TSPAN33: variants seen among roughly 807,000 people sequenced by gnomAD.
The protein encoded by TSPAN33 is tetraspanin-33.
A neutral mutation model predicts 34.8 loss-of-function variants in TSPAN33; 27 were observed. The ratio of observed to expected loss-of-function variants is 0.78; its 90% CI spans 0.57 to 1.07. TSPAN33 has a LOEUF of 1.07. TSPAN33 is among the 50% of genes least tolerant of loss of function. TSPAN33 has a pLI of 0.00. For synonymous variants in TSPAN33, 119 were observed against 124.2 expected (o/e 0.96, Z 0.28); for missense variants, 272 against 324.9 (o/e 0.84, Z 1.25).
chr7:129,163,058 T>A, intron 4 of TSPAN33, 151 bp downstream of exon 4: 1 of 655,868 alleles, frequency 1.5e-6, no homozygotes, highest in Non-Finnish European at 2.6e-6. Flanking sequence ...ATGAATAGCC[T>A]GTAAACTCAT....
In TSPAN33 at chr7:129,162,520, C is replaced by A; in HGVS notation, c.287C>A (p.Thr96Lys). 6.2e-7 allele frequency: 1 copy of A among 1,612,434 alleles called. No individual in the cohort carries two copies. Among genetic ancestry groups the A allele is most frequent in the Non-Finnish European group, 8.5e-7 (1 of 1,180,010 alleles). ...CGCGAGAACATCTGCCTCCTGCAGA[C>A]GGTGAGTGGTCAAGGCCCCACTGGA... ...SLRENICLLQ[T>K]FSLCLTAVFL... Residue 96 changes from threonine (T) to lysine (K), a missense_variant and splice_region_variant, in exon 3 of 8, where the codon ACG (threonine) becomes AAG (lysine). Transcript: ENST00000486685.
Position 129,167,316 on chromosome 7 carries a change from G to A in TSPAN33, c.589-83G>A, listed in dbSNP as rs1210087850. Reference sequence around the variant, plus strand: ...CTCTGACAATTTAGGAGTTTGGGAAGGGTGGGAAGCCCATCAGCTAAGGCC... The same window carrying A: ...CTCTGACAATTTAGGAGTTTGGGAAAGGTGGGAAGCCCATCAGCTAAGGCC... On this transcript the variant is annotated intron_variant, in intron 6 of 7. Coordinates refer to ENST00000486685, the MANE Select transcript of TSPAN33 (RefSeq NM_178562.5). This position sits in a 1 kb window ranked among gnomAD's most constrained non-coding sequence, Gnocchi z 4.6. 2 of 1,467,188 alleles carry A rather than the reference G, an allele frequency of 1.4e-6. No individual in the cohort carries two copies. The highest frequency in any genetic ancestry group is 1.9e-6 in the Non-Finnish European group (2 of 1,079,162). 90.9% of individuals were successfully genotyped at this position (1,467,188 alleles called of 1,614,324 possible).
At chr7:129,162,575 C>T (rs1793070126) in intron 3 of TSPAN33, 54 bp downstream of exon 3, 1 of 1,602,590 alleles carries the variant, frequency 6.2e-7, no homozygotes, top group South Asian at 1.1e-5. Flanking sequence ...CATCATGCCT[C>T]TTAGCCTCCC....
At chr7:129,149,173 A>G (rs1317911270) in intron 1 of TSPAN33, among the ~76,000 whole-genome samples, 1 of 152,224 alleles carries the variant, frequency 6.6e-6, no homozygotes, top group Admixed American at 6.5e-5. Context: ...CTCCTTTGCT[A>G]TGCAGGTCGC....
At chr7:129,157,876 A>G (rs1049931175) in intron 1 of TSPAN33, among the ~76,000 whole-genome samples, 35 of 152,366 alleles carry the variant, frequency 2.3e-4, no homozygotes, top group African/African-American at 7.9e-4. Context: ...GCTGTAACAA[A>G]TGACCGCAAA....
chr7:129,151,735 C>T (rs1810597495), intron 1 of TSPAN33, among the ~76,000 whole-genome samples: 1 of 152,088 alleles, frequency 6.6e-6, no homozygotes, highest in South Asian at 2.1e-4. Flanking sequence ...GCTTATCTGC[C>T]TGCAAGTGCT....
At chr7:129,151,211 C>T (rs980844229) in intron 1 of TSPAN33, among the ~76,000 whole-genome samples, 3 of 152,254 alleles carry the variant, frequency 2.0e-5, no homozygotes, top group African/African-American at 7.2e-5. Context: ...ACTGCAGCCT[C>T]GACTGCTTGG....
intron 1 of TSPAN33, among the ~76,000 whole-genome samples, chr7:129,149,165 C>T (rs907389042): frequency 6.6e-6 from 1 of 152,206 alleles, no homozygotes; most frequent in Non-Finnish European, 1.5e-5. Flanking sequence ...AGAACCATCT[C>T]CTTTGCTATG....
rs1251539892 is a variant in TSPAN33 at position 129,165,779 on chromosome 7, G to A, written c.460-999G>A. ...ACAAAAATTAGCCGGGTTTGGTGGC[G>A]CACACCTGTAGTCCCAGCTACTCAG... On this transcript the variant is annotated intron_variant, in intron 5 of 7. Transcript: ENST00000486685. The surrounding 1 kb of genome is among the most constrained non-coding windows in gnomAD (Gnocchi z 4.5). Among the ~76,000 whole-genome samples the A allele has an allele frequency of 6.6e-6, 1 of 152,056 alleles. No homozygotes were observed. Among genetic ancestry groups the A allele is most frequent in the Non-Finnish European group, 1.5e-5 (1 of 68,000 alleles).
intron 2 of TSPAN33, 74 bp from the exon 3 acceptor site, chr7:129,162,320 G>A (rs1451993308): frequency 6.3e-7 from 1 of 1,587,830 alleles, no homozygotes; most frequent in East Asian, 2.2e-5. Flanking sequence ...GAACAGTTTG[G>A]GGCACCCTCC....
chr7:129,148,161 C>T lies in TSPAN33; in HGVS notation c.102+3079C>T, dbSNP rs719335. On this transcript the variant is annotated intron_variant, in intron 1 of 7. Transcript: ENST00000486685. The surrounding 1 kb of genome is among the most constrained non-coding windows in gnomAD (Gnocchi z 4.2). ...ATGTGTTGTCAGGAATATTCAGTGC[C>T]GCCCACCTCCTTCCTCGCTGGTCCT... Among the ~76,000 whole-genome samples the T allele has an allele frequency of 0.73, 111,644 of 152,038 alleles. 41,407 individuals carry two copies. The highest frequency in any genetic ancestry group is 0.76 in the Non-Finnish European group (51,840 of 67,986).
chr7:129,156,478 T>A (rs924886877), intron 1 of TSPAN33, among the ~76,000 whole-genome samples: 2 of 152,240 alleles, frequency 1.3e-5, no homozygotes, highest in Admixed American at 6.5e-5. Context: ...AGTACCTACA[T>A]GAATTATTTG....
In TSPAN33 at chr7:129,148,331, C is replaced by T. The variant is rs1810547990; in HGVS notation, c.102+3249C>T. On this transcript the variant is annotated intron_variant, in intron 1 of 7. Coordinates refer to ENST00000486685, the MANE Select transcript of TSPAN33 (RefSeq NM_178562.5). This position sits in a 1 kb window ranked among gnomAD's most constrained non-coding sequence, Gnocchi z 4.2. ...GGCACCTTCTGTATTCTTCTATTGT[C>T]ACATCCCTTACCTGTGCTGCAATTG... Among the ~76,000 whole-genome samples, 1 of 152,186 alleles carries T rather than the reference C, an allele frequency of 6.6e-6. No individual in the cohort carries two copies. Among genetic ancestry groups the T allele is most frequent in the African/African-American group, 2.4e-5 (1 of 41,434 alleles).
intron 1 of TSPAN33, among the ~76,000 whole-genome samples, chr7:129,153,286 T>C (rs930128850): frequency 6.6e-6 from 1 of 152,052 alleles, no homozygotes; most frequent in African/African-American, 2.4e-5. Context: ...GGTTTCTATT[T>C]GGGGTGATGA....
intron 1 of TSPAN33, among the ~76,000 whole-genome samples, chr7:129,160,735 C>A: frequency 6.6e-6 from 1 of 152,222 alleles, no homozygotes; most frequent in Non-Finnish European, 1.5e-5. Context: ...TTGTACTTGA[C>A]ATGATATTGA....
intron 1 of TSPAN33, among the ~76,000 whole-genome samples, chr7:129,153,904 T>G (rs572318664): frequency 2.6e-5 from 4 of 151,884 alleles, no homozygotes; most frequent in Admixed American, 2.6e-4. Context: ...ATTGTGCCAC[T>G]GTACTCCATC....
At position 129,145,617 on chromosome 7, in the gene TSPAN33, C is replaced by T. The variant is rs142170265; in HGVS notation, c.102+535C>T. Among the ~76,000 whole-genome samples, 306 of 151,798 alleles carry T rather than the reference C, an allele frequency of 2.0e-3. 3 individuals are homozygous for T. The highest frequency in any genetic ancestry group is 6.7e-3 in the African/African-American group (279 of 41,370). Reference sequence around the variant, plus strand: ...TCCAGGTGCAGATGTCTTTCCCATCCCAGCACTGCCCCAAACTTTGTCCCC... The same window carrying T: ...TCCAGGTGCAGATGTCTTTCCCATCTCAGCACTGCCCCAAACTTTGTCCCC... On this transcript the variant is annotated intron_variant, in intron 1 of 7. Transcript: ENST00000486685.
At position 129,167,872 on chromosome 7, in the gene TSPAN33, T is replaced by C; in HGVS notation, c.850T>C (p.Ter284ArgextTer129). 1 of 1,613,826 alleles carries C rather than the reference T, an allele frequency of 6.2e-7. No individual in the cohort carries two copies. Among genetic ancestry groups the C allele is most frequent in the Non-Finnish European group, 8.5e-7 (1 of 1,179,908 alleles). The change falls in exon 8 of 8, where the codon TGA becomes CGA. Residue 284 changes from the stop codon to arginine, a stop_lost. Transcript: ENST00000486685. The surrounding 1 kb of genome is among the most constrained non-coding windows in gnomAD (Gnocchi z 4.6). ...GCAGCACCGGGCTGACCCATGGTAC[T>C]GAGAATCCATCCTGCACCTCCTCAC... ...NQQHRADPWY[*>R]
At chr7:129,161,878 G>A in intron 2 of TSPAN33, 142 bp downstream of exon 2, 7 of 929,890 alleles carry the variant, frequency 7.5e-6, no homozygotes, top group Non-Finnish European at 1.2e-5. Context: ...GTCTACGTAG[G>A]TGTCAGACCC....
Sources: gnomAD v4.1 joint callset for allele counts (sites outside exome capture counted in the v4.1 genomes callset) on GRCh38, gnomAD v4.1.1 for gene constraint, Gnocchi (gnomAD v3.1) non-coding constraint, MANE v1.5 for transcripts, NCBI Gene and HGNC (gene_info 2026-07-23, HGNC 2026-07-21) for gene names.